Variants in GPR158 observed in about 807,000 individuals in gnomAD.
The protein encoded by GPR158 is G protein-coupled receptor 158, also known as metabotropic glycine receptor.
GPR158 carries 30 observed loss-of-function variants against 78.2 expected under a neutral mutation model. The observed-to-expected ratio is 0.38, with a 90% CI of 0.29 to 0.52. GPR158 has a LOEUF of 0.52. Among genes scored for constraint, GPR158 ranks in the 20% least tolerant of loss-of-function variants. The probability of loss-of-function intolerance (pLI) is 0.83; values close to 1 mark genes in which losing one functional copy is unlikely to be tolerated. For synonymous variants in GPR158, 581 were observed against 591.1 expected, an observed-to-expected ratio of 0.98 and a Z score of 0.25; for missense variants, 1,463 against 1,523.5, an observed-to-expected ratio of 0.96 and a Z score of 0.66.
chr10:25,405,946 T>A (rs904450171), intron 3 of GPR158, among the ~76,000 whole-genome samples: 1 of 152,078 alleles, frequency 6.6e-6, no homozygotes, highest in African/African-American at 2.4e-5. Flanking sequence ...TACCATGTTG[T>A]TCAAATCTGG....
At chr10:25,415,384 A>AAT (rs34606676) in intron 4 of GPR158, among the ~76,000 whole-genome samples, 11 of 151,538 alleles carry the variant, frequency 7.3e-5, no homozygotes, top group Non-Finnish European at 1.5e-4. Context: ...CTCCAAAGAA[A>AAT]ATATATATAT....
At chr10:25,365,756 A>AT (rs1296789429) in intron 2 of GPR158, among the ~76,000 whole-genome samples, 3 of 151,692 alleles carry the variant, frequency 2.0e-5, no homozygotes, top group African/African-American at 7.2e-5. Flanking sequence ...TTTTATTGAC[A>AT]TATAAATGTT....
chr10:25,350,721 GT>G (rs942834445), intron 2 of GPR158, among the ~76,000 whole-genome samples: 13 of 152,082 alleles, frequency 8.5e-5, no homozygotes, highest in African/African-American at 3.1e-4. Context: ...AGACAGGACA[GT>G]TGTTTCAGGA....
In GPR158 at chr10:25,296,037, TAGC is replaced by T. The variant is rs1588781807; in HGVS notation, c.1008+74883_1008+74885del. ...TAGTAAAAGGGAAATGAGAAAAGCA[TAGC>T]AGGGGCAGGGAGGAAAAAAAAAAAA... On this transcript the variant is annotated intron_variant, in intron 2 of 10. Coordinates refer to ENST00000376351, the MANE Select transcript of GPR158 (RefSeq NM_020752.3). Among the ~76,000 whole-genome samples the T allele has an allele frequency of 2.4e-5, 3 of 124,948 alleles. No individual in the cohort carries two copies. In the East Asian group the frequency reaches 6.4e-4, roughly 27 times the overall value. 82.0% of individuals were successfully genotyped at this position (124,948 alleles called of 152,430 possible).
intron 5 of GPR158, among the ~76,000 whole-genome samples, chr10:25,538,254 T>C (rs1346262909): frequency 1.3e-5 from 2 of 152,122 alleles, no homozygotes; most frequent in African/African-American, 4.8e-5. Context: ...TTGGCAATTA[T>C]AGAGAACAGA....
At position 25,175,518 on chromosome 10, in the gene GPR158, A is replaced by G. The variant is rs1247598825; in HGVS notation, c.98A>G (p.Asp33Gly). 1 of 1,612,202 alleles carries G rather than the reference A, an allele frequency of 6.2e-7. No homozygotes were observed. Among genetic ancestry groups the G allele is most frequent in the Non-Finnish European group, 8.5e-7 (1 of 1,179,810 alleles). The change falls in exon 1 of 11, where the codon GAT becomes GGT. Residue 33 changes from aspartate to glycine, a missense_variant. Transcript: ENST00000376351. This position sits in a 1 kb window ranked among gnomAD's most constrained non-coding sequence, Gnocchi z 6.4. ...GASRDPQGRP[D>G]SPRERTPKGK... ...AGCCGCGACCCCCAAGGACGGCCGG[A>G]TTCCCCTCGAGAGAGGACCCCGAAG...
At chr10:25,236,131 G>A (rs12217803) in intron 2 of GPR158, among the ~76,000 whole-genome samples, 1 of 152,166 alleles carries the variant, frequency 6.6e-6, no homozygotes. Context: ...AACCAAATTA[G>A]TGTCATTCAC....
chr10:25,544,858 A>AC (rs1040619332), intron 5 of GPR158, among the ~76,000 whole-genome samples: 13 of 151,720 alleles, frequency 8.6e-5, no homozygotes, highest in Non-Finnish European at 1.8e-4. Context: ...TCCCTCTGCT[A>AC]CCCCCCAACC....
chr10:25,495,693 T>A (rs1835871349), intron 5 of GPR158, among the ~76,000 whole-genome samples: 1 of 152,102 alleles, frequency 6.6e-6, no homozygotes, highest in Non-Finnish European at 1.5e-5. Flanking sequence ...TCCTCTTAAG[T>A]GTTTCTATGG....
chr10:25,309,094 T>C (rs1342849978), intron 2 of GPR158, among the ~76,000 whole-genome samples: 2 of 152,232 alleles, frequency 1.3e-5, no homozygotes, highest in African/African-American at 2.4e-5. Context: ...CTGTGTCATA[T>C]GGTAAGCCTA....
At chr10:25,355,963 C>T (rs1434286500) in intron 2 of GPR158, among the ~76,000 whole-genome samples, 4 of 152,008 alleles carry the variant, frequency 2.6e-5, no homozygotes, top group Non-Finnish European at 5.9e-5. Context: ...GTGGTTTCAC[C>T]TCCCCACTTT....
At chr10:25,582,734 T>G (rs893997283) in intron 7 of GPR158, among the ~76,000 whole-genome samples, 3 of 152,110 alleles carry the variant, frequency 2.0e-5, no homozygotes, top group African/African-American at 7.2e-5. Flanking sequence ...AGTTACAAGT[T>G]CTACAATAAA....
chr10:25,476,952 C>G (rs531987470), intron 5 of GPR158, among the ~76,000 whole-genome samples: 3 of 152,208 alleles, frequency 2.0e-5, no homozygotes, highest in East Asian at 1.9e-4. Flanking sequence ...ATTGAGCCAT[C>G]TGAAGTTTCT....
intron 2 of GPR158, among the ~76,000 whole-genome samples, chr10:25,315,157 T>C (rs541503066): frequency 6.6e-6 from 1 of 152,158 alleles, no homozygotes; most frequent in Admixed American, 6.5e-5. Context: ...GCTTAATTGA[T>C]TACAGAGTTT....
chr10:25,507,971 A>C (rs1489404303), intron 5 of GPR158, among the ~76,000 whole-genome samples: 1 of 152,174 alleles, frequency 6.6e-6, no homozygotes, highest in Non-Finnish European at 1.5e-5. Flanking sequence ...TTTTCATGAC[A>C]GAAATTTTAT....
intron 1 of GPR158, among the ~76,000 whole-genome samples, chr10:25,195,258 T>C (rs899790084): frequency 1.3e-5 from 2 of 151,988 alleles, no homozygotes; most frequent in Admixed American, 1.3e-4. Flanking sequence ...CAGGCTGGAG[T>C]GCAGTGGCAT....
intron 6 of GPR158, among the ~76,000 whole-genome samples, chr10:25,564,692 C>CCT (rs75438577): frequency 0.31 from 47,494 of 151,964 alleles, 8,051 homozygotes; most frequent in Non-Finnish European, 0.38. Flanking sequence ...CGCCATTGAG[C>CCT]TCAGGAGCAT....
intron 4 of GPR158, among the ~76,000 whole-genome samples, chr10:25,454,514 G>A (rs1376338166): frequency 2.0e-5 from 3 of 152,140 alleles, no homozygotes; most frequent in Middle Eastern, 3.2e-3. Flanking sequence ...CTGGATGAGA[G>A]GACAGAAAAG....
In GPR158 at chr10:25,175,566, C is replaced by A; in HGVS notation, c.146C>A (p.Pro49Gln). The change falls in exon 1 of 11, where the codon CCG (proline) becomes CAG (glutamine). Residue 49 changes from proline (P) to glutamine (Q), a missense_variant. Physicochemically the swap from Pro to Gln is moderately conservative, Grantham distance 76. Coordinates refer to ENST00000376351, the MANE Select transcript of GPR158 (RefSeq NM_020752.3). This position sits in a 1 kb window ranked among gnomAD's most constrained non-coding sequence, Gnocchi z 6.4. ...TPKGKPHAQQ[P>Q]GRASASDSSA... ...AAGGGGAAGCCGCACGCCCAGCAGC[C>A]GGGTCGAGCCTCTGCCTCGGACTCC... The A allele has an allele frequency of 6.2e-7, 1 of 1,610,948 alleles. No homozygotes were observed. Among genetic ancestry groups the A allele is most frequent in the Non-Finnish European group, 8.5e-7 (1 of 1,179,800 alleles).
Sources: gnomAD v4.1 joint callset for allele counts (sites outside exome capture counted in the v4.1 genomes callset) on GRCh38, gnomAD v4.1.1 for gene constraint, Gnocchi (gnomAD v3.1) non-coding constraint, MANE v1.5 for transcripts, NCBI Gene and HGNC (gene_info 2026-07-23, HGNC 2026-07-21) for gene names.